The following EPHA4 variants were observed in gnomAD, a reference collection of about 807,000 sequenced individuals.
EPHA4 encodes the protein EPH receptor A4.
EPHA4 carries 19 observed loss-of-function variants against 108.3 expected under a neutral mutation model. That is an observed-to-expected ratio of 0.18 (90% CI 0.12 to 0.26). The LOEUF (loss-of-function observed/expected upper bound fraction) is 0.26, where lower values mean the gene tolerates loss of function less well. Among genes scored for constraint, EPHA4 ranks in the 10% least tolerant of loss-of-function variants. The pLI, the probability that EPHA4 is intolerant of heterozygous loss-of-function variation, is 1.00. For synonymous variants in EPHA4, 449 were observed against 455.5 expected (o/e 0.99, Z 0.18); for missense variants, 917 against 1,254.0 (o/e 0.73, Z 4.06).
chr2:221,563,901 A>G lies in EPHA4; in HGVS notation c.653T>C (p.Ile218Thr), dbSNP rs754072204. Residue 218 changes from isoleucine to threonine, a missense_variant, in exon 3 of 18, where the codon ATC becomes ACC. Physicochemically the swap from Ile to Thr is moderately conservative, Grantham distance 89. Around this residue, in one of 3 missense-constraint regions of EPHA4, gnomAD observed 758 missense variants for 1,076.7 expected, o/e 0.70. Coordinates refer to ENST00000281821, the MANE Select transcript of EPHA4 (RefSeq NM_004438.5). ...VRNLAQFPDTITGADTSSLVE... is the reference protein window; with the variant it reads ...VRNLAQFPDTTTGADTSSLVE... ...CAGGGAAGACGTATCAGCCCCTGTG[A>G]TGGTGTCAGGAAACTGGGCCAGATT... 2 of 1,614,198 alleles carry G rather than the reference A, an allele frequency of 1.2e-6. No individual in the cohort carries two copies. Among genetic ancestry groups the G allele is most frequent in the Admixed American group, 3.3e-5 (2 of 60,022 alleles).
chr2:221,484,820 C>G (rs960485336), intron 4 of EPHA4, among the ~76,000 whole-genome samples: 1 of 152,134 alleles, frequency 6.6e-6, no homozygotes, highest in Middle Eastern at 3.2e-3. Flanking sequence ...GTACTATCTG[C>G]CATTTGGAGT....
At chr2:221,450,076 A>T (rs1189876664) in intron 8 of EPHA4, among the ~76,000 whole-genome samples, 1 of 152,178 alleles carries the variant, frequency 6.6e-6, no homozygotes, top group African/African-American at 2.4e-5. Flanking sequence ...ATCTGCCCCC[A>T]CTTGTGTGAA....
chr2:221,563,664 G>A (rs1694533934), intron 3 of EPHA4, 67 bp downstream of exon 3: 2 of 1,549,532 alleles, frequency 1.3e-6, no homozygotes, highest in Admixed American at 3.5e-5. Flanking sequence ...ACTCCATTTA[G>A]TCTCATCTCT....
intron 4 of EPHA4, among the ~76,000 whole-genome samples, chr2:221,496,494 T>G (rs1217411154): frequency 6.6e-6 from 1 of 152,210 alleles, no homozygotes; most frequent in Non-Finnish European, 1.5e-5. Flanking sequence ...TTCTGCTGCC[T>G]GACTTACGAC....
At chr2:221,514,428 G>C (rs1328622982) in intron 3 of EPHA4, among the ~76,000 whole-genome samples, 1 of 152,140 alleles carries the variant, frequency 6.6e-6, no homozygotes, top group Non-Finnish European at 1.5e-5. Context: ...AAGTGGAGCT[G>C]GTCCCAACCT....
At chr2:221,433,650 A>C (rs577740189) in intron 14 of EPHA4, among the ~76,000 whole-genome samples, 2 of 152,314 alleles carry the variant, frequency 1.3e-5, no homozygotes, top group South Asian at 4.1e-4. Flanking sequence ...ATTTAAAGGG[A>C]TGTGCATAAT....
At position 221,568,112 on chromosome 2, in the gene EPHA4, C is replaced by A. The variant is rs114569641; in HGVS notation, c.159+606G>T. On this transcript the variant is annotated intron_variant, in intron 2 of 17. Coordinates refer to ENST00000281821, the MANE Select transcript of EPHA4 (RefSeq NM_004438.5). Reference sequence around the variant, plus strand: ...CCTTATAATCCAGACTACTCAATCCCCAAAGATTCTTCAAGATTACAGACA... The same window carrying A: ...CCTTATAATCCAGACTACTCAATCCACAAAGATTCTTCAAGATTACAGACA... Among the ~76,000 whole-genome samples, 529 of 152,276 alleles carry A rather than the reference C, an allele frequency of 3.5e-3. 1 individual carries two copies. Among genetic ancestry groups the A allele is most frequent in the African/African-American group, 0.012 (507 of 41,546 alleles).
At chr2:221,446,830 T>TA (rs1033738347) in intron 8 of EPHA4, among the ~76,000 whole-genome samples, 8 of 152,160 alleles carry the variant, frequency 5.3e-5, no homozygotes, top group Non-Finnish European at 1.2e-4. Flanking sequence ...CCCTAATTTG[T>TA]AAAAAAATGA....
chr2:221,435,467 A>AC (rs1160465891), intron 13 of EPHA4, among the ~76,000 whole-genome samples: 3 of 151,912 alleles, frequency 2.0e-5, no homozygotes, highest in Admixed American at 6.6e-5. Context: ...AGAATACTAT[A>AC]CCCCCCTGCC....
chr2:221,500,868 C>A, intron 4 of EPHA4, 149 bp downstream of exon 4: 1 of 936,012 alleles, frequency 1.1e-6, no homozygotes, highest in South Asian at 2.2e-5. Flanking sequence ...TTTTTACAAG[C>A]ATTTCCCCTG....
At chr2:221,555,342 G>C (rs1694275306) in intron 3 of EPHA4, among the ~76,000 whole-genome samples, 1 of 152,180 alleles carries the variant, frequency 6.6e-6, no homozygotes, top group African/African-American at 2.4e-5. Context: ...AGCCCTCATT[G>C]CCTTTGTGAA....
chr2:221,545,156 A>T (rs1693952565), intron 3 of EPHA4, among the ~76,000 whole-genome samples: 1 of 152,234 alleles, frequency 6.6e-6, no homozygotes. Flanking sequence ...CAAAGCAAAT[A>T]AAAAGGTATG....
chr2:221,418,637 TCGTA>T lies in EPHA4; in HGVS notation c.*2731_*2734del, dbSNP rs937232787. The T allele has an allele frequency of 3.9e-5, 6 of 152,532 alleles. No individual in the cohort carries two copies. The highest frequency in any genetic ancestry group is 5.9e-5 in the Non-Finnish European group (4 of 68,028). The allele number at this position is 152,532 out of a possible 1,614,324, so 9.4% of individuals were successfully genotyped here. ...TTTTCAACCCACCAGAACATTTCAC[TCGTA>T]AGATTGCTAAAAAATAACTTGGGGC... On this transcript the variant is annotated 3_prime_UTR_variant, in exon 18 of 18. Coordinates refer to ENST00000281821, the MANE Select transcript of EPHA4 (RefSeq NM_004438.5).
At chr2:221,477,430 ATTC>A (rs1691689494) in intron 5 of EPHA4, among the ~76,000 whole-genome samples, 1 of 152,124 alleles carries the variant, frequency 6.6e-6, no homozygotes, top group South Asian at 2.1e-4. Context: ...GGACCAGAAA[ATTC>A]TTCATTGCGG....
chr2:221,472,767 G>A (rs1691529206), intron 5 of EPHA4, among the ~76,000 whole-genome samples: 1 of 152,118 alleles, frequency 6.6e-6, no homozygotes, highest in African/African-American at 2.4e-5. Flanking sequence ...AATATTTCGT[G>A]TCTCTATAAT....
At chr2:221,469,631 T>C (rs1240026188) in intron 5 of EPHA4, among the ~76,000 whole-genome samples, 3 of 152,198 alleles carry the variant, frequency 2.0e-5, no homozygotes, top group African/African-American at 7.2e-5. Flanking sequence ...GATGGTCCAC[T>C]GTCTTCCAAG....
intron 3 of EPHA4, among the ~76,000 whole-genome samples, chr2:221,558,064 G>C (rs1230869598): frequency 6.6e-6 from 1 of 152,160 alleles, no homozygotes; most frequent in Non-Finnish European, 1.5e-5. Flanking sequence ...TTATACTACA[G>C]AATATTCATC....
intron 3 of EPHA4, among the ~76,000 whole-genome samples, chr2:221,527,957 C>T (rs969215957): frequency 1.7e-4 from 26 of 152,134 alleles, no homozygotes; most frequent in Non-Finnish European, 2.6e-4. Context: ...GAGACAAAGA[C>T]ATTCTTTCAC....
At position 221,426,537 on chromosome 2, in the gene EPHA4, T is replaced by C; in HGVS notation, c.2773A>G (p.Met925Val). 6 of 1,614,134 alleles carry C rather than the reference T, an allele frequency of 3.7e-6. No homozygotes were observed. The highest frequency in any genetic ancestry group is 4.2e-6 in the Non-Finnish European group (5 of 1,180,022). Reference sequence around the variant, plus strand: ...GTGAAGTTATCCTTATACCGGTCCATTTTAATGGCCTGGAGCCAATCGCCC... The same window carrying C: ...GTGAAGTTATCCTTATACCGGTCCACTTTAATGGCCTGGAGCCAATCGCCC... ...SVGDWLQAIK[M>V]DRYKDNFTAA... Residue 925 changes from methionine to valine, a missense_variant, in exon 16 of 18, where the codon ATG (methionine) becomes GTG (valine). By Grantham distance (21) the Met-to-Val change is conservative. Around this residue, in one of 3 missense-constraint regions of EPHA4, gnomAD observed 133 missense variants for 132.8 expected, o/e 1.00. Transcript: ENST00000281821.
Sources: gnomAD v4.1 joint callset for allele counts (sites outside exome capture counted in the v4.1 genomes callset) on GRCh38, gnomAD v4.1.1 for gene constraint, gnomAD v4.1.1 regional missense constraint, MANE v1.5 for transcripts, NCBI Gene and HGNC (gene_info 2026-07-23, HGNC 2026-07-21) for gene names.